The following TRHDE variants were observed in gnomAD, a reference collection of about 807,000 sequenced individuals.
TRHDE encodes thyrotropin releasing hormone degrading enzyme.
Under a neutral mutation model 125.7 loss-of-function variants are expected in TRHDE, and 72 were observed. The observed-to-expected ratio is 0.57, with a 90% confidence interval of 0.47 to 0.70. TRHDE has a LOEUF of 0.70. Ranked by LOEUF, TRHDE falls within the 30% of genes least tolerant of loss-of-function variation. The probability of loss-of-function intolerance (pLI) is 0.00; values close to 1 mark genes in which losing one functional copy is unlikely to be tolerated. For missense variants in TRHDE, 1,110 were observed against 1,327.1 expected (o/e 0.84, Z 2.54); for synonymous variants, 509 against 509.1 (o/e 1.00, Z 0.00).
At chr12:72,441,487 G>A (rs1325419426) in intron 3 of TRHDE, among the ~76,000 whole-genome samples, 1 of 151,834 alleles carries the variant, frequency 6.6e-6, no homozygotes, top group Non-Finnish European at 1.5e-5. Flanking sequence ...TTGACATCAA[G>A]CTGGACAGGC....
chr12:72,538,157 C>A (rs1868961235), intron 6 of TRHDE, among the ~76,000 whole-genome samples: 1 of 151,942 alleles, frequency 6.6e-6, no homozygotes, highest in African/African-American at 2.4e-5. Context: ...CACAAACAAA[C>A]CTTTCATGTG....
intron 2 of TRHDE, among the ~76,000 whole-genome samples, chr12:72,161,431 C>CAA (rs36001406): frequency 0.016 from 1,202 of 75,418 alleles, 19 homozygotes; most frequent in African/African-American, 0.045. Context: ...GACTCCGTCT[C>CAA]AAAAAAAAAA....
At chr12:72,110,397 C>A (rs1170782426) in intron 2 of TRHDE, among the ~76,000 whole-genome samples, 4 of 151,932 alleles carry the variant, frequency 2.6e-5, no homozygotes, top group Non-Finnish European at 2.9e-5. Flanking sequence ...ATTGAACCTG[C>A]TCAGGTCTGA....
At chr12:72,238,326 ATATATATACACAT>A (rs1878398108) in intron 2 of TRHDE, among the ~76,000 whole-genome samples, 2 of 41,280 alleles carry the variant, frequency 4.8e-5, no homozygotes, top group African/African-American at 8.9e-5. Flanking sequence ...ATATATACAT[ATATATATACACAT>A]TATATATATA....
intron 3 of TRHDE, among the ~76,000 whole-genome samples, chr12:72,398,148 A>C (rs1048466523): frequency 4.6e-5 from 7 of 151,930 alleles, no homozygotes; most frequent in African/African-American, 1.7e-4. Flanking sequence ...CCATGTCCCT[A>C]CAAAGGACAT....
At position 72,378,102 on chromosome 12, in the gene TRHDE, C is replaced by T; in HGVS notation, c.1296C>T (p.Pro432=). The T allele has an allele frequency of 6.3e-7, 1 of 1,581,288 alleles. No individual in the cohort carries two copies. Among genetic ancestry groups the T allele is most frequent in the Non-Finnish European group, 8.5e-7 (1 of 1,169,950 alleles). ...TTTATGAAGACTACTTTAAAGTGCC[C>T]TATTCCTTGCCAAAACTAGGTAAGA... The part of the protein sequence containing the change: ...IEFYEDYFKV[P]YSLPKLDLLA... The change falls in exon 3 of 19, where the codon CCC becomes CCT. Residue 432 remains proline, a synonymous_variant. Coordinates refer to ENST00000261180, the MANE Select transcript of TRHDE (RefSeq NM_013381.3).
At chr12:72,476,571 A>T (rs1013395185) in intron 5 of TRHDE, among the ~76,000 whole-genome samples, 1 of 152,162 alleles carries the variant, frequency 6.6e-6, no homozygotes, top group African/African-American at 2.4e-5. Context: ...GGTTCACTAC[A>T]CCTGAGCCTG....
At chr12:72,397,604 G>T (rs1396696445) in intron 3 of TRHDE, among the ~76,000 whole-genome samples, 1 of 151,950 alleles carries the variant, frequency 6.6e-6, no homozygotes, top group Admixed American at 6.6e-5. Flanking sequence ...ATCTTTTTAT[G>T]CTTATTTGAA....
intron 13 of TRHDE, among the ~76,000 whole-genome samples, chr12:72,620,338 CAAA>C (rs3080963): frequency 0.18 from 11,783 of 67,094 alleles, 415 homozygotes; most frequent in African/African-American, 0.27. Flanking sequence ...CCCATCTCTA[CAAA>C]AAAAAAAAAA....
intron 2 of TRHDE, among the ~76,000 whole-genome samples, chr12:72,299,840 TAAAGA>T (rs910233032): frequency 5.3e-5 from 8 of 152,082 alleles, no homozygotes; most frequent in African/African-American, 1.9e-4. Context: ...CGCTGTTTTA[TAAAGA>T]AAAGGTAACT....
intron 2 of TRHDE, among the ~76,000 whole-genome samples, chr12:72,109,700 C>G (rs1289139688): frequency 1.3e-5 from 2 of 152,056 alleles, no homozygotes; most frequent in African/African-American, 2.4e-5. Context: ...ATATTTTCCC[C>G]CAAAATCACT....
intron 2 of TRHDE, among the ~76,000 whole-genome samples, chr12:72,179,689 T>G (rs1029183142): frequency 6.6e-6 from 1 of 152,134 alleles, no homozygotes; most frequent in Admixed American, 6.6e-5. Context: ...TGACCTCATA[T>G]TATAGCTAGT....
chr12:72,653,220 A>T, intron 17 of TRHDE, 64 bp downstream of exon 17: 1 of 1,398,550 alleles, frequency 7.2e-7, no homozygotes, highest in Non-Finnish European at 9.7e-7. Flanking sequence ...ATAAAGGCCC[A>T]AGTTTTGTGT....
chr12:72,374,292 AGTGTGTGTGT>A (rs148577049), intron 2 of TRHDE, among the ~76,000 whole-genome samples: 91 of 134,094 alleles, frequency 6.8e-4, no homozygotes, highest in African/African-American at 2.1e-3. Flanking sequence ...TAGAAGGAGA[AGTGTGTGTGT>A]GTGTGTGTGT....
chr12:72,463,674 C>T (rs866415523), intron 3 of TRHDE, among the ~76,000 whole-genome samples: 12 of 152,238 alleles, frequency 7.9e-5, no homozygotes, highest in African/African-American at 2.9e-4. Context: ...GAGCTCAAAG[C>T]TGGGGCAAAG....
intron 2 of TRHDE, among the ~76,000 whole-genome samples, chr12:72,333,023 C>A (rs1869673325): frequency 6.6e-6 from 1 of 152,226 alleles, no homozygotes; most frequent in African/African-American, 2.4e-5. Flanking sequence ...GAGATGAATA[C>A]ATTTCCTAGA....
intron 2 of TRHDE, among the ~76,000 whole-genome samples, chr12:72,358,817 G>A (rs1331810241): frequency 6.6e-6 from 1 of 151,530 alleles, no homozygotes; most frequent in Admixed American, 6.6e-5. Context: ...TTGCAGGTAA[G>A]GGAGAGATTT....
chr12:72,189,914 A>G (rs962376356), intron 2 of TRHDE, among the ~76,000 whole-genome samples: 1 of 152,150 alleles, frequency 6.6e-6, no homozygotes, highest in Non-Finnish European at 1.5e-5. Context: ...GGGATGTCCT[A>G]TGTAGCTTCC....
chr12:72,400,058 C>G (rs1033237277), intron 3 of TRHDE, among the ~76,000 whole-genome samples: 2 of 151,932 alleles, frequency 1.3e-5, no homozygotes, highest in Non-Finnish European at 2.9e-5. Flanking sequence ...TTGTTATATT[C>G]TTTTTGTCTA....
Sources: gnomAD v4.1 joint callset for allele counts (sites outside exome capture counted in the v4.1 genomes callset) on GRCh38, gnomAD v4.1.1 for gene constraint, MANE v1.5 for transcripts, NCBI Gene and HGNC (gene_info 2026-07-23, HGNC 2026-07-21) for gene names.